RAD9A: variants seen among roughly 807,000 people sequenced by gnomAD.
RAD9A encodes the protein RAD9 checkpoint clamp component A.
Under a neutral mutation model 41.2 loss-of-function variants are expected in RAD9A, and 25 were observed. That is an observed-to-expected ratio of 0.61 (90% CI 0.44 to 0.85). The LOEUF (loss-of-function observed/expected upper bound fraction) is 0.85. RAD9A is among the 40% of genes least tolerant of loss of function. RAD9A has a pLI of 0.00. For missense variants in RAD9A, 514 were observed against 518.3 expected (o/e 0.99, Z 0.08); for synonymous variants, 252 against 210.6 (o/e 1.20, Z -1.70).
rs1201128838 is a variant in RAD9A at position 67,397,215 on chromosome 11, T to C, written c.909T>C (p.Ile303=). 6.2e-7 allele frequency: 1 copy of C among 1,613,832 alleles called. No homozygotes were observed. Among genetic ancestry groups the C allele is most frequent in the Non-Finnish European group, 8.5e-7 (1 of 1,179,906 alleles). The change falls in exon 10 of 11, where the codon ATT becomes ATC. Residue 303 remains isoleucine, a synonymous_variant. Transcript: ENST00000307980. The part of the protein sequence containing the change: ...PHPDDFANDD[I]DSYMIAMETT... ...CGGACGACTTTGCCAATGACGACAT[T>C]GACTCTTACATGATCGCCATGGAAA...
At position 67,397,370 on chromosome 11, in the gene RAD9A, C is replaced by T. The variant is rs146522627; in HGVS notation, c.1064C>T (p.Thr355Ile). Residue 355 changes from threonine (T) to isoleucine (I), a missense_variant, in exon 10 of 11, where the codon ACT becomes ATT. Around this residue, in one of 3 missense-constraint regions of RAD9A, gnomAD observed 216 missense variants for 184.2 expected, o/e 1.17. Coordinates refer to ENST00000307980, the MANE Select transcript of RAD9A (RefSeq NM_004584.3). ...GCTGAGCCCAGTACAGTGCCTGGGA[C>T]TCCCCCACCCAAGAAGGTAGGGACT... The part of the protein sequence containing the change: ...DEAEPSTVPG[T>I]PPPKKFRSLF... 5.6e-6 allele frequency: 9 copies of T among 1,602,330 alleles called. No homozygotes were observed. The African/African-American group carries it at 9.4e-5, about 17-fold the overall frequency.
chr11:67,392,777 A>T lies in RAD9A; in HGVS notation c.229A>T (p.Met77Leu). The T allele has an allele frequency of 1.9e-6, 3 of 1,613,972 alleles. No homozygotes were observed. Among genetic ancestry groups the T allele is most frequent in the Non-Finnish European group, 2.5e-6 (3 of 1,179,942 alleles). ...GGACCTGCTGCGCTGTAAGATCCTG[A>T]TGAAGGTGAGGCCCTTCCCTCAGCA... is the stretch of plus-strand genomic sequence containing the variant. ...GQDLLRCKIL[M>L]KSFLSVFRSL... The change falls in exon 3 of 11, where the codon ATG (methionine) becomes TTG (leucine). Residue 77 changes from methionine (M) to leucine (L), a missense_variant. By Grantham distance (15) the Met-to-Leu change is conservative. Transcript: ENST00000307980.
intron 3 of RAD9A, 120 bp downstream of exon 3, chr11:67,392,902 C>A: frequency 7.5e-7 from 1 of 1,333,046 alleles, no homozygotes; most frequent in South Asian, 1.3e-5. Flanking sequence ...AAGCCCAATC[C>A]ATGCAAAACA....
Position 67,392,795 on chromosome 11 carries a change from C to T in RAD9A, c.234+13C>T, listed in dbSNP as rs1862565647. The T allele has an allele frequency of 6.2e-7, 1 of 1,613,484 alleles. No homozygotes were observed. Among genetic ancestry groups the T allele is most frequent in the Non-Finnish European group, 8.5e-7 (1 of 1,179,698 alleles). On this transcript the variant is annotated intron_variant, in intron 3 of 10. Transcript: ENST00000307980. ...GATCCTGATGAAGGTGAGGCCCTTC[C>T]CTCAGCAGTGGCACTACTCCACCCC...
At position 67,397,444 on chromosome 11, in the gene RAD9A, CTCACTTG is replaced by C. The variant is rs1290424425; in HGVS notation, c.1081-18_1081-12del. ...GTAGGGAAGGGAGCAGCCTCCAGAA[CTCACTTG>C]TTCTCTTTCCAGTTCCGCTCACTGT... On this transcript the variant is annotated splice_polypyrimidine_tract_variant and intron_variant, in intron 10 of 10. Transcript: ENST00000307980. 1 of 1,600,448 alleles carries C rather than the reference CTCACTTG, an allele frequency of 6.2e-7. No individual in the cohort carries two copies.
At chr11:67,395,568 C>G (rs1010981730) in intron 5 of RAD9A, 148 bp from the exon 6 acceptor site, 9 of 650,360 alleles carry the variant, frequency 1.4e-5, no homozygotes, top group African/African-American at 7.3e-5. Context: ...CCAGTCCCCT[C>G]CCTGCCACCT....
chr11:67,395,813 G>A lies in RAD9A; in HGVS notation c.547G>A (p.Glu183Lys), dbSNP rs201034834. Residue 183 changes from glutamate to lysine, a missense_variant, in exon 6 of 11, where the codon GAG (glutamate) becomes AAG (lysine). Transcript: ENST00000307980. ...GRRVILRSYH[E>K]EEADSTAKAM... ...CAGGGTCATCCTGCGCAGCTACCAC[G>A]AGGAGGAGGCAGGTGAGGGGGCTGG... is the stretch of plus-strand genomic sequence containing the variant. The A allele has an allele frequency of 2.2e-5, 35 of 1,611,142 alleles. No homozygotes were observed. The highest frequency in any genetic ancestry group is 1.6e-4 in the African/African-American group (12 of 75,044).
In RAD9A at chr11:67,397,647, C is replaced by T; in HGVS notation, c.*88C>T. On this transcript the variant is annotated 3_prime_UTR_variant, in exon 11 of 11. Transcript: ENST00000307980. ...AACTGGGTCTCTCAGCCCTGGGGAT[C>T]AGAAAGGTGGGCTTGCTGGAGCTGA... The T allele has an allele frequency of 8.1e-7, 1 of 1,228,358 alleles. No homozygotes were observed. The highest frequency in any genetic ancestry group is 1.4e-5 in the South Asian group (1 of 73,510). 76.1% of individuals were successfully genotyped at this position (1,228,358 alleles called of 1,614,324 possible).
intron 6 of RAD9A, 30 bp downstream of exon 6, chr11:67,395,855 C>T: frequency 6.2e-7 from 1 of 1,612,858 alleles, no homozygotes; most frequent in Non-Finnish European, 8.5e-7. Context: ...CCTGGGACAG[C>T]AGAGTGGCAG....
intron 5 of RAD9A, among the ~76,000 whole-genome samples, chr11:67,394,445 A>G (rs1020863154): frequency 6.6e-6 from 1 of 152,144 alleles, no homozygotes; most frequent in South Asian, 2.1e-4. Flanking sequence ...CCCCTGCTCC[A>G]TGCTGGTCAC....
In RAD9A at chr11:67,397,756, C is replaced by A; in HGVS notation, c.*197C>A. ...CGGTCGGGCCTGGGCCGTTATCTCC[C>A]CACAACCCCCAGCCAATCAGGACTT... On this transcript the variant is annotated 3_prime_UTR_variant, in exon 11 of 11. Transcript: ENST00000307980. 1 of 583,742 alleles carries A rather than the reference C, an allele frequency of 1.7e-6. No homozygotes were observed. Among genetic ancestry groups the A allele is most frequent in the Non-Finnish European group, 3.0e-6 (1 of 330,402 alleles). 36.2% of individuals were successfully genotyped at this position (583,742 alleles called of 1,614,324 possible). A position where few individuals can be genotyped will look rare whatever the true frequency, so the allele number is the denominator to read the frequency against.
chr11:67,397,762 C>A lies in RAD9A; in HGVS notation c.*203C>A. The A allele has an allele frequency of 1.7e-6, 1 of 579,900 alleles. No individual in the cohort carries two copies. The allele number at this position is 579,900 out of a possible 1,614,324, so 35.9% of individuals were successfully genotyped here. A position where few individuals can be genotyped will look rare whatever the true frequency, so the allele number is the denominator to read the frequency against. ...GGCCTGGGCCGTTATCTCCCCACAA[C>A]CCCCAGCCAATCAGGACTTTCCAGA... is the stretch of plus-strand genomic sequence containing the variant. On this transcript the variant is annotated 3_prime_UTR_variant, in exon 11 of 11. Transcript: ENST00000307980.
chr11:67,392,527 A>G, intron 2 of RAD9A, 127 bp from the exon 3 acceptor site: 2 of 1,356,618 alleles, frequency 1.5e-6, no homozygotes, highest in Non-Finnish European at 2.0e-6. Flanking sequence ...TGGGGAAAGG[A>G]GGGTTTTTCA....
intron 5 of RAD9A, among the ~76,000 whole-genome samples, chr11:67,394,680 A>G (rs567178891): frequency 6.7e-6 from 1 of 150,322 alleles, no homozygotes; most frequent in South Asian, 2.1e-4. Flanking sequence ...CAATGGCACG[A>G]TCTCGGCTCA....
At chr11:67,392,934 C>T in intron 3 of RAD9A, 152 bp downstream of exon 3, 2 of 1,141,154 alleles carry the variant, frequency 1.8e-6, no homozygotes. Context: ...ATGGTAAAAG[C>T]ATCACAGCGG....
intron 3 of RAD9A, 138 bp from the exon 4 acceptor site, chr11:67,393,358 G>GT: frequency 6.9e-7 from 1 of 1,448,536 alleles, no homozygotes; most frequent in Non-Finnish European, 9.1e-7. Flanking sequence ...GGCCTAGAAG[G>GT]ATGCCAGTGC....
At chr11:67,396,926 T>C (rs758224688) in intron 9 of RAD9A, among the ~76,000 whole-genome samples, 1 of 152,174 alleles carries the variant, frequency 6.6e-6, no homozygotes, top group African/African-American at 2.4e-5. Flanking sequence ...CCCTCCTAGC[T>C]GAGCTAAGGT....
Position 67,397,295 on chromosome 11 carries a change from GC to G in RAD9A, c.994del (p.Gln332SerfsTer65). 2 of 1,595,198 alleles carry G rather than the reference GC, an allele frequency of 1.3e-6. No individual in the cohort carries two copies. The highest frequency in any genetic ancestry group is 8.6e-7 in the Non-Finnish European group (1 of 1,166,956). ...CTGCCCTCCATTTCCCTTTCACCTG[GC>G]CCCCAGCCCCCCAAGAGCCCCGGTC... Reference protein sequence around the residue: ...RVLPSISLSPGPQPPKSPGPH... With the variant: ...RVLPSISLSPXPQPPKSPGPH... On this transcript the variant is annotated frameshift_variant, in exon 10 of 11. Transcript: ENST00000307980. LOFTEE classifies it high-confidence loss of function.
chr11:67,397,391 G>A lies in RAD9A; in HGVS notation c.1080+5G>A. 1 of 1,597,102 alleles carries A rather than the reference G, an allele frequency of 6.3e-7. No individual in the cohort carries two copies. Among genetic ancestry groups the A allele is most frequent in the Non-Finnish European group, 8.6e-7 (1 of 1,167,552 alleles). ...GGGACTCCCCCACCCAAGAAGGTAG[G>A]GACTGGAGGTGGAGGCAGGGGTGGG... On this transcript the variant is annotated splice_donor_5th_base_variant and intron_variant, in intron 10 of 10. Coordinates refer to ENST00000307980, the MANE Select transcript of RAD9A (RefSeq NM_004584.3).
Sources: gnomAD v4.1 joint callset for allele counts (sites outside exome capture counted in the v4.1 genomes callset) on GRCh38, gnomAD v4.1.1 for gene constraint, gnomAD v4.1.1 regional missense constraint, MANE v1.5 for transcripts, NCBI Gene and HGNC (gene_info 2026-07-23, HGNC 2026-07-21) for gene names.